Variants in RANBP17 observed in about 807,000 individuals in gnomAD.
RANBP17 encodes the protein RAN binding protein 17, also known as ran-binding protein 17.
In RANBP17, 158 loss-of-function variants were observed where a neutral mutation model predicts 141.2. The observed-to-expected ratio is 1.12, with a 90% confidence interval of 0.98 to 1.28. RANBP17 has a LOEUF of 1.28. Ranked by LOEUF, RANBP17 falls within the 50% of genes most tolerant of loss-of-function variation. RANBP17 has a pLI of 0.00. For synonymous variants in RANBP17, 430 were observed against 450.0 expected, an observed-to-expected ratio of 0.96 and a Z score of 0.56; for missense variants, 1,438 against 1,290.7, an observed-to-expected ratio of 1.11 and a Z score of -1.75.
chr5:171,138,354 A>G (rs1305531021), intron 14 of RANBP17, among the ~76,000 whole-genome samples: 1 of 152,192 alleles, frequency 6.6e-6, no homozygotes, highest in Non-Finnish European at 1.5e-5. Context: ...TGCTTACATA[A>G]GGTTGACTCA....
chr5:171,096,684 GA>G (rs1264822850), intron 14 of RANBP17, among the ~76,000 whole-genome samples: 1 of 152,110 alleles, frequency 6.6e-6, no homozygotes, highest in Non-Finnish European at 1.5e-5. Flanking sequence ...GGGAAATGTT[GA>G]AACTTACAGA....
intron 14 of RANBP17, among the ~76,000 whole-genome samples, chr5:171,128,124 C>T (rs1016684403): frequency 6.6e-6 from 1 of 152,160 alleles, no homozygotes; most frequent in African/African-American, 2.4e-5. Context: ...CACCACTGCA[C>T]TCCAGCCTGG....
At chr5:171,150,603 C>G (rs1237393309) in intron 14 of RANBP17, among the ~76,000 whole-genome samples, 2 of 152,104 alleles carry the variant, frequency 1.3e-5, no homozygotes, top group Admixed American at 6.5e-5. Context: ...CAACTCTTCT[C>G]TACAGCCTTG....
At chr5:170,965,352 T>C (rs1776476137) in intron 13 of RANBP17, among the ~76,000 whole-genome samples, 1 of 151,710 alleles carries the variant, frequency 6.6e-6, no homozygotes, top group Non-Finnish European at 1.5e-5. Context: ...GTAGGTTGCC[T>C]GTTCACTCTG....
chr5:171,096,594 A>G (rs866177828), intron 14 of RANBP17, among the ~76,000 whole-genome samples: 9 of 152,328 alleles, frequency 5.9e-5, no homozygotes, highest in Middle Eastern at 6.8e-3. Context: ...CAGTAGATCT[A>G]AAGAGATACT....
At chr5:170,974,639 G>A (rs1386915827) in intron 14 of RANBP17, among the ~76,000 whole-genome samples, 1 of 152,164 alleles carries the variant, frequency 6.6e-6, no homozygotes, top group Admixed American at 6.5e-5. Context: ...GCAACCCTCT[G>A]AGTTGTACAG....
At chr5:171,237,964 A>G (rs1764641183) in intron 22 of RANBP17, among the ~76,000 whole-genome samples, 1 of 152,194 alleles carries the variant, frequency 6.6e-6, no homozygotes, top group Admixed American at 6.5e-5. Flanking sequence ...CAACAATTTC[A>G]GTAAGTATTG....
chr5:170,884,650 A>G (rs557267130), intron 3 of RANBP17, among the ~76,000 whole-genome samples: 7 of 152,184 alleles, frequency 4.6e-5, no homozygotes, highest in African/African-American at 7.2e-5. Flanking sequence ...TTATGGAAAT[A>G]CATTGTAATT....
At chr5:171,127,261 TA>T (rs1362546945) in intron 14 of RANBP17, among the ~76,000 whole-genome samples, 2 of 152,192 alleles carry the variant, frequency 1.3e-5, no homozygotes, top group Non-Finnish European at 2.9e-5. Flanking sequence ...AAACATTTGA[TA>T]AAATTCAACA....
chr5:170,927,148 G>A (rs1408476059), intron 12 of RANBP17, among the ~76,000 whole-genome samples: 1 of 152,058 alleles, frequency 6.6e-6, no homozygotes, highest in Non-Finnish European at 1.5e-5. Flanking sequence ...CCGTTGAGTG[G>A]AAGGTTAATG....
chr5:171,082,599 T>C (rs2127711855), intron 14 of RANBP17, among the ~76,000 whole-genome samples: 1 of 152,318 alleles, frequency 6.6e-6, no homozygotes, highest in South Asian at 2.1e-4. Context: ...TGTTCTAGTG[T>C]GACTCTGCCC....
At chr5:171,174,079 CT>C (rs1261566249) in intron 16 of RANBP17, among the ~76,000 whole-genome samples, 1 of 152,118 alleles carries the variant, frequency 6.6e-6, no homozygotes, top group Non-Finnish European at 1.5e-5. Flanking sequence ...AAATTTGAAA[CT>C]TTTCAAATTG....
chr5:171,281,681 C>T (rs1370411155), intron 25 of RANBP17, among the ~76,000 whole-genome samples: 3 of 152,194 alleles, frequency 2.0e-5, no homozygotes, highest in Admixed American at 2.0e-4. Flanking sequence ...GTCCCTAGCA[C>T]AGTACCAGAC....
intron 22 of RANBP17, among the ~76,000 whole-genome samples, chr5:171,225,026 C>T (rs1001856640): frequency 1.8e-4 from 27 of 152,212 alleles, no homozygotes; most frequent in African/African-American, 6.5e-4. Flanking sequence ...GTATGGAAAG[C>T]CCTTAGACTA....
At chr5:170,957,128 C>G (rs530490766) in intron 13 of RANBP17, among the ~76,000 whole-genome samples, 19 of 151,662 alleles carry the variant, frequency 1.3e-4, no homozygotes, top group Admixed American at 3.3e-4. Flanking sequence ...GCCACTATCT[C>G]GTGAGAAAAC....
chr5:170,916,622 T>G (rs767536932), intron 9 of RANBP17, 38 bp downstream of exon 9: 7 of 1,364,718 alleles, frequency 5.1e-6, no homozygotes, highest in Non-Finnish European at 9.9e-7. Context: ...CATATAGAGA[T>G]ACAGTTTTTC....
intron 5 of RANBP17, among the ~76,000 whole-genome samples, chr5:170,908,517 G>A (rs931048448): frequency 6.6e-6 from 1 of 150,958 alleles, no homozygotes; most frequent in Non-Finnish European, 1.5e-5. Context: ...TACTAGATAG[G>A]GGAGAGATAG....
chr5:171,144,261 C>T (rs7732170), intron 14 of RANBP17, among the ~76,000 whole-genome samples: 13,009 of 151,618 alleles, frequency 0.086, 859 homozygotes, highest in African/African-American at 0.18. Flanking sequence ...CTCAGGAGGC[C>T]GAGGTGAGGT....
chr5:170,968,345 T>TGG lies in RANBP17; in HGVS notation c.1678_1679insGG (p.Tyr560TrpfsTer21). ...GTTCTTGGATCAGTTTCGTAAAACA[T>TGG]ATGTTGGTGATCAACTTCAAAGAAC... On this transcript the variant is annotated frameshift_variant, in exon 14 of 28. Transcript: ENST00000523189. LOFTEE classifies it high-confidence loss of function. The TGG allele has an allele frequency of 6.2e-7, 1 of 1,607,488 alleles. No homozygotes were observed. Among genetic ancestry groups the TGG allele is most frequent in the Non-Finnish European group, 8.5e-7 (1 of 1,177,498 alleles).
Sources: allele counts gnomAD v4.1 joint callset (sites outside exome capture counted in the v4.1 genomes callset), GRCh38; gene constraint gnomAD v4.1.1; transcripts MANE v1.5; gene names NCBI Gene and HGNC (gene_info 2026-07-23, HGNC 2026-07-21).